NHLRC2: variants seen among roughly 807,000 people sequenced by gnomAD.
NHLRC2 encodes NHL repeat containing 2, also known as NHL repeat-containing protein 2.
Under a neutral mutation model 68.1 loss-of-function variants are expected in NHLRC2, and 33 were observed. The ratio of observed to expected loss-of-function variants is 0.48; its 90% CI spans 0.37 to 0.65. NHLRC2 has a LOEUF of 0.65. Ranked by LOEUF, NHLRC2 falls within the 30% of genes least tolerant of loss-of-function variation. The pLI, the probability that NHLRC2 is intolerant of heterozygous loss-of-function variation, is 0.00. For missense variants in NHLRC2, 761 were observed against 853.8 expected (o/e 0.89, Z 1.35); for synonymous variants, 311 against 309.6 (o/e 1.00, Z -0.05).
At chr10:113,896,947 T>C (rs1389784403) in intron 5 of NHLRC2, among the ~76,000 whole-genome samples, 2 of 151,584 alleles carry the variant, frequency 1.3e-5, no homozygotes, top group Non-Finnish European at 2.9e-5. Flanking sequence ...TGAGCCGAGA[T>C]TGCTCCACTG....
At chr10:113,906,262 T>C (rs1846274156) in intron 10 of NHLRC2, among the ~76,000 whole-genome samples, 1 of 152,198 alleles carries the variant, frequency 6.6e-6, no homozygotes, top group Non-Finnish European at 1.5e-5. Flanking sequence ...TATTGAGTCA[T>C]TGGGATATAA....
intron 5 of NHLRC2, among the ~76,000 whole-genome samples, chr10:113,886,998 A>G (rs1846088492): frequency 6.6e-6 from 1 of 152,218 alleles, no homozygotes; most frequent in African/African-American, 2.4e-5. Context: ...TATCCAAAAT[A>G]TGTAAGGAAC....
Position 113,914,811 on chromosome 10 carries a change from C to CT in NHLRC2, c.*6281dup. ...TTTGTCCTGAATAATTAAGAGTTTGCTTTTTTCCCATGTCTTTGCAATAGG... is the reference window on the plus strand; with the variant it reads ...TTTGTCCTGAATAATTAAGAGTTTGCTTTTTTTCCCATGTCTTTGCAATAGG... On this transcript the variant is annotated 3_prime_UTR_variant, in exon 11 of 11. Coordinates refer to ENST00000369301, the MANE Select transcript of NHLRC2 (RefSeq NM_198514.4). 1 of 343,052 alleles carries CT rather than the reference C, an allele frequency of 2.9e-6. No individual in the cohort carries two copies. Among genetic ancestry groups the CT allele is most frequent in the South Asian group, 2.3e-5 (1 of 43,574 alleles). 21.3% of individuals were successfully genotyped at this position (343,052 alleles called of 1,614,324 possible).
intron 2 of NHLRC2, among the ~76,000 whole-genome samples, chr10:113,866,687 T>C (rs1201782963): frequency 1.3e-5 from 2 of 151,930 alleles, no homozygotes; most frequent in East Asian, 1.9e-4. Flanking sequence ...TTTAAATAAG[T>C]CTATATATAA....
rs960183739 is a variant in NHLRC2, at chr10:113,916,990, T to C, written c.*8454T>C. 6.6e-6 allele frequency: 1 copy of C among 152,192 alleles called. No homozygotes were observed. The highest frequency in any genetic ancestry group is 2.4e-5 in the African/African-American group (1 of 41,462). 9.4% of individuals were successfully genotyped at this position (152,192 alleles called of 1,614,324 possible). Reference sequence around the variant, plus strand: ...CTACATTTATTTCAAGACTGTACTTTTCAGTGACTTTTTCAAGTGCATGTG... The same window carrying C: ...CTACATTTATTTCAAGACTGTACTTCTCAGTGACTTTTTCAAGTGCATGTG... On this transcript the variant is annotated 3_prime_UTR_variant, in exon 11 of 11. Coordinates refer to ENST00000369301, the MANE Select transcript of NHLRC2 (RefSeq NM_198514.4).
intron 3 of NHLRC2, among the ~76,000 whole-genome samples, chr10:113,879,042 T>C (rs1437661736): frequency 6.6e-6 from 1 of 152,196 alleles, no homozygotes; most frequent in Non-Finnish European, 1.5e-5. Flanking sequence ...AGAATCACTC[T>C]CTCTTACAGT....
At chr10:113,856,570 C>G (rs1383340631) in intron 1 of NHLRC2, among the ~76,000 whole-genome samples, 1 of 152,118 alleles carries the variant, frequency 6.6e-6, no homozygotes, top group East Asian at 1.9e-4. Context: ...AGTAAGTACA[C>G]TGTTATAAAC....
chr10:113,893,055 G>A (rs1846146656), intron 5 of NHLRC2, among the ~76,000 whole-genome samples: 1 of 152,106 alleles, frequency 6.6e-6, no homozygotes. Context: ...AACCAAAAAT[G>A]GGAAGGCAAG....
At chr10:113,862,008 G>C (rs767992139) in intron 2 of NHLRC2, among the ~76,000 whole-genome samples, 1 of 151,960 alleles carries the variant, frequency 6.6e-6, no homozygotes, top group African/African-American at 2.4e-5. Context: ...AAGTAGCTGG[G>C]ATTACAGGTG....
chr10:113,882,078 A>G (rs73345590), intron 4 of NHLRC2, among the ~76,000 whole-genome samples: 4,774 of 151,784 alleles, frequency 0.031, 262 homozygotes, highest in African/African-American at 0.11. Flanking sequence ...CATTTTATCT[A>G]CCAATTCACC....
chr10:113,861,268 T>G (rs930873657), intron 2 of NHLRC2, among the ~76,000 whole-genome samples: 1 of 152,146 alleles, frequency 6.6e-6, no homozygotes, highest in African/African-American at 2.4e-5. Flanking sequence ...AAATAATGGT[T>G]GAAAACATCC....
intron 5 of NHLRC2, among the ~76,000 whole-genome samples, chr10:113,888,507 A>G (rs993879623): frequency 6.6e-6 from 1 of 152,214 alleles, no homozygotes; most frequent in Non-Finnish European, 1.5e-5. Flanking sequence ...TTAAATCTAC[A>G]TGTAGTATGT....
At chr10:113,877,139 C>G (rs927697178) in intron 3 of NHLRC2, among the ~76,000 whole-genome samples, 163 bp downstream of exon 3, 3 of 151,904 alleles carry the variant, frequency 2.0e-5, no homozygotes, top group African/African-American at 7.3e-5. Flanking sequence ...AATATGATGT[C>G]TGAATTAACC....
chr10:113,906,477 T>C (rs1846275565), intron 10 of NHLRC2, among the ~76,000 whole-genome samples: 1 of 152,080 alleles, frequency 6.6e-6, no homozygotes, highest in Non-Finnish European at 1.5e-5. Flanking sequence ...GAAACACTTA[T>C]TTTTAGCCAA....
At chr10:113,871,323 C>G (rs1321538281) in intron 2 of NHLRC2, among the ~76,000 whole-genome samples, 1 of 152,018 alleles carries the variant, frequency 6.6e-6, no homozygotes, top group African/African-American at 2.4e-5. Context: ...TGCACCTGGC[C>G]CTGAATCTTT....
intron 1 of NHLRC2, among the ~76,000 whole-genome samples, chr10:113,857,140 A>G (rs1415330790): frequency 6.6e-6 from 1 of 152,176 alleles, no homozygotes; most frequent in Non-Finnish European, 1.5e-5. Flanking sequence ...TATTCATTGT[A>G]ATTATTGTTA....
chr10:113,909,739 GT>G lies in NHLRC2; in HGVS notation c.*1207del, dbSNP rs1387465381. On this transcript the variant is annotated 3_prime_UTR_variant, in exon 11 of 11. Transcript: ENST00000369301. ...TATAACTACTTAAAAGCCTAATCTT[GT>G]TTTCCTTAAGACCTATTCAACATGT... 6.6e-6 allele frequency: 1 copy of G among 151,822 alleles called. No individual in the cohort carries two copies. The highest frequency in any genetic ancestry group is 2.4e-5 in the African/African-American group (1 of 41,358). 9.4% of individuals were successfully genotyped at this position (151,822 alleles called of 1,614,324 possible).
At chr10:113,881,566 C>G (rs997721298) in intron 4 of NHLRC2, among the ~76,000 whole-genome samples, 2 of 151,602 alleles carry the variant, frequency 1.3e-5, no homozygotes, top group Non-Finnish European at 3.0e-5. Flanking sequence ...ATAAATTCTC[C>G]TACTTCCCCA....
In NHLRC2 at chr10:113,914,735, CCT is replaced by C. The variant is rs1846365027; in HGVS notation, c.*6200_*6201del. ...AGCACCAAGATTACCTTTTCTTCCC[CCT>C]GTGGCACAGTTTATTTAAATGAAGT... On this transcript the variant is annotated 3_prime_UTR_variant, in exon 11 of 11. Transcript: ENST00000369301. The C allele has an allele frequency of 3.7e-6, 1 of 268,590 alleles. No individual in the cohort carries two copies. The highest frequency in any genetic ancestry group is 7.3e-6 in the Non-Finnish European group (1 of 136,684). The allele number at this position is 268,590 out of a possible 1,614,324, so 16.6% of individuals were successfully genotyped here. A position where few individuals can be genotyped will look rare whatever the true frequency, so the allele number is the denominator to read the frequency against.
Sources: gnomAD v4.1 joint callset for allele counts (sites outside exome capture counted in the v4.1 genomes callset) on GRCh38, gnomAD v4.1.1 for gene constraint, MANE v1.5 for transcripts, NCBI Gene and HGNC (gene_info 2026-07-23, HGNC 2026-07-21) for gene names.